The following PCLO variants were observed in gnomAD, a reference collection of about 807,000 sequenced individuals.
PCLO encodes the protein piccolo presynaptic cytomatrix protein.
Under a neutral mutation model 427.5 loss-of-function variants are expected in PCLO, and 82 were observed. The observed-to-expected ratio is 0.19, with a 90% CI of 0.16 to 0.23. PCLO has a LOEUF of 0.23. PCLO is among the 10% of genes least tolerant of loss of function. The probability of loss-of-function intolerance (pLI) is 1.00; values close to 1 mark genes in which losing one functional copy is unlikely to be tolerated. For synonymous variants in PCLO, 2,357 were observed against 2,155.4 expected, an observed-to-expected ratio of 1.09 and a Z score of -2.59; for missense variants, 6,239 against 6,115.9, an observed-to-expected ratio of 1.02 and a Z score of -0.67.
In PCLO at chr7:82,758,555, C is replaced by T. The variant is rs41358550; in HGVS notation, c.*20G>A. The T allele has an allele frequency of 3.0e-3, 4,803 of 1,603,158 alleles. 149 individuals are homozygous for T. The African/African-American group carries it at 0.057, about 19-fold the overall frequency. On this transcript the variant is annotated 3_prime_UTR_variant, in exon 25 of 25. Coordinates refer to ENST00000333891, the MANE Select transcript of PCLO (RefSeq NM_033026.6). The stretch of plus-strand genomic sequence containing the variant: ...GAGGCTATTTAGAGCAGTTTCTATA[C>T]CCTGAGAAGACATGTTTCTTCAATG...
chr7:82,758,962 A>G (rs1024093623), intron 24 of PCLO, among the ~76,000 whole-genome samples: 4 of 151,924 alleles, frequency 2.6e-5, no homozygotes, highest in African/African-American at 4.8e-5. Flanking sequence ...CACATTCTGA[A>G]GAATGTGAGA....
intron 9 of PCLO, among the ~76,000 whole-genome samples, chr7:82,895,126 C>T (rs1204519444): frequency 1.3e-5 from 2 of 151,806 alleles, no homozygotes; most frequent in Non-Finnish European, 2.9e-5. Flanking sequence ...TTGAATCATA[C>T]CAAATAGGTT....
At chr7:83,024,147 T>C (rs1408403361) in intron 3 of PCLO, among the ~76,000 whole-genome samples, 1 of 152,208 alleles carries the variant, frequency 6.6e-6, no homozygotes, top group East Asian at 1.9e-4. Context: ...GCTCCCAGCG[T>C]GAGCGACGCA....
chr7:82,850,168 C>T (rs1584046344), intron 10 of PCLO, among the ~76,000 whole-genome samples: 1 of 152,112 alleles, frequency 6.6e-6, no homozygotes, highest in Non-Finnish European at 1.5e-5. Flanking sequence ...ACCACCACAC[C>T]CAGCTAGTTT....
rs967947107 is a variant in PCLO at position 82,955,718 on chromosome 7, C to T, written c.5235G>A (p.Pro1745=). 3.7e-5 allele frequency: 59 copies of T among 1,613,718 alleles called. No homozygotes were observed. The highest frequency in any genetic ancestry group is 4.7e-5 in the Non-Finnish European group (56 of 1,179,850). ...GTTTGCTCTCTCCTTTTTTGTGACT[C>T]GGGCTACTGTCACTGTCCTCATCAA... ...SSLDEDSDSS[P]SHKKGESKQQ... Residue 1745 remains proline (P), a synonymous_variant, in exon 5 of 25, where the codon CCG becomes CCA. Coordinates refer to ENST00000333891, the MANE Select transcript of PCLO (RefSeq NM_033026.6).
At chr7:82,807,808 T>G (rs1791485530) in intron 20 of PCLO, among the ~76,000 whole-genome samples, 1 of 152,002 alleles carries the variant, frequency 6.6e-6, no homozygotes, top group South Asian at 2.1e-4. Flanking sequence ...AGACATCTGA[T>G]ATACAATTGA....
intron 2 of PCLO, among the ~76,000 whole-genome samples, chr7:83,137,854 A>T (rs1330234108): frequency 6.6e-6 from 1 of 152,226 alleles, no homozygotes; most frequent in Non-Finnish European, 1.5e-5. Context: ...TATACATATA[A>T]ATATTTGAAG....
At chr7:83,145,176 C>T (rs1300857389) in intron 2 of PCLO, among the ~76,000 whole-genome samples, 1 of 152,128 alleles carries the variant, frequency 6.6e-6, no homozygotes, top group African/African-American at 2.4e-5. Flanking sequence ...AAGTTATGAC[C>T]TTCATCATCT....
chr7:83,162,488 G>T lies in PCLO; in HGVS notation c.105C>A (p.Thr35=). 6.4e-7 allele frequency: 1 copy of T among 1,574,746 alleles called. No homozygotes were observed. The highest frequency in any genetic ancestry group is 8.6e-7 in the Non-Finnish European group (1 of 1,160,180). Residue 35 remains threonine, a synonymous_variant, in exon 1 of 25, where the codon ACC becomes ACA. Coordinates refer to ENST00000333891, the MANE Select transcript of PCLO (RefSeq NM_033026.6). The part of the protein sequence containing the change: ...GASGAGSPSH[T]AIPAGMEADL... ...CCGCCTCCATGCCGGCCGGGATCGC[G>T]GTGTGAGAGGGGCTCCCCGCCCCGC... is the stretch of plus-strand genomic sequence containing the variant.
chr7:83,009,382 T>C (rs1045763018), intron 3 of PCLO, among the ~76,000 whole-genome samples: 1 of 151,858 alleles, frequency 6.6e-6, no homozygotes, highest in African/African-American at 2.4e-5. Context: ...TGTGTTTTCT[T>C]TGTGATTTGT....
chr7:83,075,647 C>T (rs1208398375), intron 3 of PCLO, among the ~76,000 whole-genome samples: 1 of 152,062 alleles, frequency 6.6e-6, no homozygotes, highest in South Asian at 2.1e-4. Context: ...AAACCCTACA[C>T]ATCAAAACAG....
chr7:82,816,029 T>C (rs6467914), intron 20 of PCLO, among the ~76,000 whole-genome samples: 11,608 of 152,114 alleles, frequency 0.076, 575 homozygotes, highest in East Asian at 0.16. Context: ...TTTTTAGTGA[T>C]TCATTATATA....
chr7:82,918,386 A>T (rs185618125), intron 6 of PCLO, among the ~76,000 whole-genome samples: 35 of 152,106 alleles, frequency 2.3e-4, no homozygotes, highest in South Asian at 1.9e-3. Context: ...TTCCTTTAAA[A>T]ATCTCTATAT....
chr7:83,162,879 A>C lies in PCLO; in HGVS notation c.-287T>G. The C allele has an allele frequency of 6.5e-6, 3 of 462,756 alleles. No individual in the cohort carries two copies. The highest frequency in any genetic ancestry group is 2.9e-5 in the South Asian group (1 of 34,312). 28.7% of individuals were successfully genotyped at this position (462,756 alleles called of 1,614,324 possible). On this transcript the variant is annotated 5_prime_UTR_variant, in exon 1 of 25. Coordinates refer to ENST00000333891, the MANE Select transcript of PCLO (RefSeq NM_033026.6). ...TCGGCGCCCCGAGCCGGGGAGAAGC[A>C]GATCTGAGCGGTGCCAGCCGGGCGC...
In PCLO at chr7:83,152,016, A is replaced by G. The variant is rs538921950; in HGVS notation, c.1893+2732T>C. On this transcript the variant is annotated intron_variant, in intron 2 of 24. Transcript: ENST00000333891. ...GCTTTGCTCTGTTGCCCAGGCTGGA[A>G]TGCAGTGGCGTGATCTTGGCTCACT... Among the ~76,000 whole-genome samples the G allele has an allele frequency of 1.4e-3, 216 of 151,896 alleles. 1 individual carries two copies. The highest frequency in any genetic ancestry group is 3.3e-3 in the South Asian group (16 of 4,812).
intron 9 of PCLO, among the ~76,000 whole-genome samples, chr7:82,894,225 A>G (rs1392545574): frequency 6.6e-6 from 1 of 152,100 alleles, no homozygotes; most frequent in Admixed American, 6.6e-5. Flanking sequence ...ATAACCAACC[A>G]TTTCAGCATT....
At chr7:83,049,798 G>C (rs1362425934) in intron 3 of PCLO, among the ~76,000 whole-genome samples, 1 of 152,048 alleles carries the variant, frequency 6.6e-6, no homozygotes, top group Non-Finnish European at 1.5e-5. Flanking sequence ...AAGCGGTTAA[G>C]CTAAAAGATA....
intron 3 of PCLO, among the ~76,000 whole-genome samples, chr7:83,040,243 G>T (rs1300038214): frequency 6.6e-6 from 1 of 152,080 alleles, no homozygotes; most frequent in East Asian, 1.9e-4. Flanking sequence ...TCAGTGGCTG[G>T]TTATGTTATT....
In PCLO at chr7:83,134,440, G is replaced by A. The variant is rs755824095; in HGVS notation, c.3110C>T (p.Thr1037Ile). 1.9e-6 allele frequency: 3 copies of A among 1,613,848 alleles called. No individual in the cohort carries two copies. The South Asian group carries it at 3.3e-5, about 18-fold the overall frequency. Residue 1037 changes from threonine to isoleucine, a missense_variant, in exon 3 of 25, where the codon ACA becomes ATA. This residue lies in a region of PCLO where 4,677 missense variants were observed against 4,468.4 expected (regional missense o/e 1.05). Transcript: ENST00000333891. The part of the protein sequence containing the change: ...PPPIKDSKSL[T>I]AEPQKAVLPT... ...AAGGACAGCCTTTTGAGGCTCAGCTGTTAAAGATTTGCTATCCTTAATAGG... is the reference window on the plus strand; with the variant it reads ...AAGGACAGCCTTTTGAGGCTCAGCTATTAAAGATTTGCTATCCTTAATAGG...
Sources: allele counts gnomAD v4.1 joint callset (sites outside exome capture counted in the v4.1 genomes callset), GRCh38; gene constraint gnomAD v4.1.1; regional missense constraint gnomAD v4.1.1; transcripts MANE v1.5; gene names NCBI Gene and HGNC (gene_info 2026-07-23, HGNC 2026-07-21).